The following NME7 variants were observed in gnomAD, a reference collection of about 807,000 sequenced individuals.
NME7 encodes NME/NM23 family member 7.
Under a neutral mutation model 49.1 loss-of-function variants are expected in NME7, and 41 were observed. That is an observed-to-expected ratio of 0.83 (90% confidence interval 0.65 to 1.08). The LOEUF (loss-of-function observed/expected upper bound fraction) is 1.08. Among genes scored for constraint, NME7 ranks in the 50% least tolerant of loss-of-function variants. The pLI is 0.00. For missense variants in NME7, 423 were observed against 463.4 expected (o/e 0.91, Z 0.80); for synonymous variants, 139 against 150.6 (o/e 0.92, Z 0.56).
intron 10 of NME7, among the ~76,000 whole-genome samples, chr1:169,204,522 T>G (rs1338966225): frequency 6.6e-6 from 1 of 152,052 alleles, no homozygotes; most frequent in Non-Finnish European, 1.5e-5. Flanking sequence ...TGACATAATC[T>G]CTCATTTTAA....
chr1:169,290,463 T>C (rs935418833), intron 6 of NME7, among the ~76,000 whole-genome samples: 2 of 152,176 alleles, frequency 1.3e-5, no homozygotes, highest in Non-Finnish European at 2.9e-5. Flanking sequence ...GCTAGCCATA[T>C]GCAGAAAACA....
chr1:169,296,150 ACTC>A (rs1650697340), intron 6 of NME7, among the ~76,000 whole-genome samples: 1 of 151,906 alleles, frequency 6.6e-6, no homozygotes, highest in African/African-American at 2.4e-5. Flanking sequence ...CCTCAAAAAA[ACTC>A]CTCAAAAAAA....
intron 7 of NME7, among the ~76,000 whole-genome samples, chr1:169,273,683 T>G (rs1407056565): frequency 8.3e-6 from 1 of 120,708 alleles, no homozygotes; most frequent in Non-Finnish European, 2.0e-5. Context: ...CATTGTTCAA[T>G]TCCCATCTAT....
rs1374288867 is a variant in NME7, at chr1:169,149,353, AAAAT to A, written c.1099-16540_1099-16537del. Among the ~76,000 whole-genome samples the A allele has an allele frequency of 6.6e-5, 10 of 152,022 alleles. No individual in the cohort carries two copies. In the East Asian group the frequency reaches 1.9e-3, roughly 29 times the overall value. On this transcript the variant is annotated intron_variant, in intron 11 of 11. Transcript: ENST00000367811. ...AAGACTCCATCTCAAAAATAATAAA[AAAAT>A]AAAATAAATAATATTTAACTAAGAG...
chr1:169,166,767 C>T (rs994322409), intron 11 of NME7, among the ~76,000 whole-genome samples: 1 of 152,058 alleles, frequency 6.6e-6, no homozygotes, highest in Non-Finnish European at 1.5e-5. Flanking sequence ...CACCTGAGGT[C>T]AGGAGACAGC....
At chr1:169,342,787 G>GTA (rs1180670184) in intron 1 of NME7, among the ~76,000 whole-genome samples, 1 of 33,110 alleles carries the variant, frequency 3.0e-5, no homozygotes, top group South Asian at 7.8e-4. Flanking sequence ...TATATATATA[G>GTA]TATATATATA....
chr1:169,263,864 C>A (rs1348292227), intron 7 of NME7, among the ~76,000 whole-genome samples: 1 of 132,118 alleles, frequency 7.6e-6, no homozygotes, highest in African/African-American at 2.6e-5. Context: ...GGACAGGTCA[C>A]CTAAAAAGAG....
chr1:169,183,715 T>C (rs996082036), intron 10 of NME7, among the ~76,000 whole-genome samples: 2 of 151,762 alleles, frequency 1.3e-5, no homozygotes, highest in African/African-American at 4.8e-5. Flanking sequence ...GGCAGGAGAA[T>C]GGCGTGAACC....
intron 10 of NME7, among the ~76,000 whole-genome samples, chr1:169,187,699 T>C (rs1005290334): frequency 2.0e-5 from 3 of 152,252 alleles, no homozygotes; most frequent in African/African-American, 4.8e-5. Flanking sequence ...CTTGACTCTT[T>C]ATCCAATTTG....
intron 10 of NME7, among the ~76,000 whole-genome samples, chr1:169,174,997 T>C (rs1003354069): frequency 6.6e-6 from 1 of 151,858 alleles, no homozygotes; most frequent in Non-Finnish European, 1.5e-5. Context: ...TATAAACTTC[T>C]AAGTATTTTT....
At chr1:169,174,111 A>G (rs1659681247) in intron 10 of NME7, among the ~76,000 whole-genome samples, 1 of 152,182 alleles carries the variant, frequency 6.6e-6, no homozygotes, top group Non-Finnish European at 1.5e-5. Context: ...TGCTCAGGTA[A>G]TCCTGCTGTG....
chr1:169,300,150 C>T (rs77469789), intron 5 of NME7, among the ~76,000 whole-genome samples: 2,197 of 152,216 alleles, frequency 0.014, 48 homozygotes, highest in African/African-American at 0.048. Flanking sequence ...CATTAACAGG[C>T]AACTAGTTAA....
At chr1:169,356,691 G>C (rs571847568) in intron 1 of NME7, among the ~76,000 whole-genome samples, 211 of 152,210 alleles carry the variant, frequency 1.4e-3, no homozygotes, top group Middle Eastern at 3.4e-3. Flanking sequence ...AAAGAAAGTG[G>C]GGTAGGGGGC....
At chr1:169,134,085 C>G (rs7552323) in intron 11 of NME7, among the ~76,000 whole-genome samples, 6 of 152,052 alleles carry the variant, frequency 3.9e-5, no homozygotes, top group Middle Eastern at 6.8e-3. Flanking sequence ...ATTTCCCACT[C>G]CTGATCTTTA....
At chr1:169,219,494 C>T (rs2101804174) in intron 10 of NME7, among the ~76,000 whole-genome samples, 1 of 152,076 alleles carries the variant, frequency 6.6e-6, no homozygotes, top group East Asian at 1.9e-4. Context: ...GAACCAAGCC[C>T]CCAAGATACC....
At position 169,231,859 on chromosome 1, in the gene NME7, G is replaced by A. The variant is rs116142818; in HGVS notation, c.889-1040C>T. ...CAAAAGTTTCAAATTGATTCCAAGT[G>A]ATTTAACTAGGTGCCAGACCAAAAT... is the stretch of plus-strand genomic sequence containing the variant. On this transcript the variant is annotated intron_variant, in intron 9 of 11. Coordinates refer to ENST00000367811, the MANE Select transcript of NME7 (RefSeq NM_013330.5). Among the ~76,000 whole-genome samples, 984 of 152,178 alleles carry A rather than the reference G, an allele frequency of 6.5e-3. 15 individuals are homozygous for A. The highest frequency in any genetic ancestry group is 0.022 in the African/African-American group (923 of 41,532).
chr1:169,359,281 A>T (rs937453605), intron 1 of NME7, among the ~76,000 whole-genome samples: 6 of 147,946 alleles, frequency 4.1e-5, no homozygotes, highest in African/African-American at 7.4e-5. Flanking sequence ...TTGTATTGTT[A>T]TTTTTTTTTT....
intron 10 of NME7, among the ~76,000 whole-genome samples, chr1:169,204,526 A>ATT (rs1660625823): frequency 6.6e-6 from 1 of 152,174 alleles, no homozygotes; most frequent in East Asian, 1.9e-4. Context: ...ATAATCTCTC[A>ATT]TTTTAAAAGT....
At chr1:169,171,023 G>A (rs1433093298) in intron 10 of NME7, among the ~76,000 whole-genome samples, 6 of 152,058 alleles carry the variant, frequency 3.9e-5, no homozygotes, top group African/African-American at 1.2e-4. Context: ...GAGTACTAAC[G>A]TTCTTTTTCT....
Sources: allele counts gnomAD v4.1 joint callset (sites outside exome capture counted in the v4.1 genomes callset), GRCh38; gene constraint gnomAD v4.1.1; transcripts MANE v1.5; gene names NCBI Gene and HGNC (gene_info 2026-07-23, HGNC 2026-07-21).